Variants in DZIP3 observed in about 807,000 individuals in gnomAD.
DZIP3 encodes E3 ubiquitin-protein ligase DZIP3.
A neutral mutation model predicts 162.0 loss-of-function variants in DZIP3; 118 were observed. The ratio of observed to expected loss-of-function variants is 0.73; its 90% CI spans 0.63 to 0.85. The LOEUF (loss-of-function observed/expected upper bound fraction) is 0.85. DZIP3 is among the 40% of genes least tolerant of loss of function. The pLI, the probability that DZIP3 is intolerant of heterozygous loss-of-function variation, is 0.00. For missense variants in DZIP3, 1,331 were observed against 1,407.0 expected (o/e 0.95, Z 0.86); for synonymous variants, 438 against 458.6 (o/e 0.96, Z 0.57).
rs1559724946 is a variant in DZIP3, at chr3:108,611,276, G to A, written c.205G>A (p.Val69Ile). ...NAINTLPKGV[V>I]PHIKKFLQED... ...AATTAATACTCTACCAAAAGGTGTG[G>A]TTCCTCACATTAAGAAGTTCTTACA... Residue 69 changes from valine to isoleucine, a missense_variant, in exon 4 of 33, where the codon GTT (valine) becomes ATT (isoleucine). Around this residue, in one of 2 missense-constraint regions of DZIP3, gnomAD observed 1,278 missense variants for 1,317.1 expected, o/e 0.97. Coordinates refer to ENST00000361582, the MANE Select transcript of DZIP3 (RefSeq NM_014648.4). The A allele has an allele frequency of 6.2e-7, 1 of 1,612,698 alleles. No homozygotes were observed. Among genetic ancestry groups the A allele is most frequent in the East Asian group, 2.2e-5 (1 of 44,798 alleles).
intron 1 of DZIP3, among the ~76,000 whole-genome samples, chr3:108,592,281 A>G (rs1350946228): frequency 3.9e-5 from 6 of 152,178 alleles, no homozygotes; most frequent in Non-Finnish European, 7.3e-5. Context: ...TAAAATAGGT[A>G]GGATTTGGTG....
intron 31 of DZIP3, 121 bp from the exon 32 acceptor site, chr3:108,690,666 C>A: frequency 1.2e-6 from 1 of 841,920 alleles, no homozygotes; most frequent in Non-Finnish European, 1.8e-6. Context: ...TGACGATCCA[C>A]AGCGTAAGGC....
intron 8 of DZIP3, among the ~76,000 whole-genome samples, chr3:108,629,815 A>G (rs185633376): frequency 4.0e-5 from 6 of 151,300 alleles, no homozygotes; most frequent in South Asian, 2.1e-4. Context: ...TAATATATAT[A>G]TATAAATATA....
chr3:108,628,639 G>C (rs1941693447), intron 7 of DZIP3, among the ~76,000 whole-genome samples: 1 of 152,126 alleles, frequency 6.6e-6, no homozygotes, highest in African/African-American at 2.4e-5. Context: ...GATTAAATTT[G>C]GGCCTTATTT....
intron 5 of DZIP3, among the ~76,000 whole-genome samples, chr3:108,620,143 G>A (rs1941251931): frequency 1.3e-5 from 2 of 152,160 alleles, no homozygotes; most frequent in South Asian, 4.1e-4. Flanking sequence ...CCTTCCATGA[G>A]AAGCTACACA....
At chr3:108,617,380 T>G (rs1941074734) in intron 5 of DZIP3, among the ~76,000 whole-genome samples, 1 of 151,752 alleles carries the variant, frequency 6.6e-6, no homozygotes, top group African/African-American at 2.4e-5. Context: ...TATACAATTT[T>G]TATTTATCAA....
chr3:108,611,831 G>C (rs1017636361), intron 4 of DZIP3, among the ~76,000 whole-genome samples: 2 of 152,090 alleles, frequency 1.3e-5, no homozygotes, highest in African/African-American at 4.8e-5. Context: ...TGGGCATGGT[G>C]GCACATGCCT....
In DZIP3 at chr3:108,617,747, G is replaced by T. The variant is rs138613227; in HGVS notation, c.375+1090G>T. 8.5e-3 allele frequency among the ~76,000 whole-genome samples: 1,297 copies of T among 152,234 alleles called. 17 individuals are homozygous for T. Among genetic ancestry groups the T allele is most frequent in the African/African-American group, 0.03 (1,242 of 41,524 alleles). ...TTCCAATGAGGAAACAAAGAAAATG[G>T]GGGATTTGCATCTTGTAATCCTGAG... On this transcript the variant is annotated intron_variant, in intron 5 of 32. Coordinates refer to ENST00000361582, the MANE Select transcript of DZIP3 (RefSeq NM_014648.4).
chr3:108,603,359 A>G (rs970227853), intron 1 of DZIP3: 2 of 152,212 alleles, frequency 1.3e-5, no homozygotes, highest in African/African-American at 4.8e-5. Flanking sequence ...ATACAGCTTT[A>G]TTAAAGAGAT....
At chr3:108,626,100 A>G (rs1416839267) in intron 7 of DZIP3, 131 bp downstream of exon 7, 2 of 1,032,842 alleles carry the variant, frequency 1.9e-6, no homozygotes, top group Admixed American at 2.9e-5. Context: ...TTCTTTGCCT[A>G]TTTGTATAGA....
chr3:108,632,307 A>G (rs1175625826), intron 8 of DZIP3, among the ~76,000 whole-genome samples: 1 of 152,062 alleles, frequency 6.6e-6, no homozygotes, highest in Non-Finnish European at 1.5e-5. Flanking sequence ...TGGTGCTACC[A>G]TAGCTCACTG....
In DZIP3 at chr3:108,644,392, A is replaced by G; in HGVS notation, c.1370A>G (p.Lys457Arg). 1.9e-6 allele frequency: 3 copies of G among 1,614,098 alleles called. No homozygotes were observed. The highest frequency in any genetic ancestry group is 1.3e-5 in the African/African-American group (1 of 75,044). The stretch of plus-strand genomic sequence containing the variant: ...TGGCATCTGCTTTATCCTCCTAACA[A>G]GGAGTTACCGCAATCCAAACAGTTT... ...GSWHLLYPPN[K>R]ELPQSKQFDL... The change falls in exon 14 of 33, where the codon AAG becomes AGG. Residue 457 changes from lysine (K) to arginine (R), a missense_variant. Coordinates refer to ENST00000361582, the MANE Select transcript of DZIP3 (RefSeq NM_014648.4).
At chr3:108,637,393 C>G in intron 11 of DZIP3, 103 bp from the exon 12 acceptor site, 11 of 985,012 alleles carry the variant, frequency 1.1e-5, no homozygotes, top group Non-Finnish European at 1.6e-5. Flanking sequence ...TTCACTGTGG[C>G]TTCACTCTCA....
At chr3:108,615,698 A>C (rs1404756127) in intron 4 of DZIP3, among the ~76,000 whole-genome samples, 1 of 152,258 alleles carries the variant, frequency 6.6e-6, no homozygotes, top group Admixed American at 6.5e-5. Flanking sequence ...ACACAAAGAC[A>C]TAGTCCTACC....
intron 25 of DZIP3, among the ~76,000 whole-genome samples, 160 bp from the exon 26 acceptor site, chr3:108,677,336 AT>A (rs34710471): frequency 0.045 from 6,423 of 143,904 alleles, 422 homozygotes; most frequent in African/African-American, 0.15. Context: ...GGTCTATAGA[AT>A]TTTTTTTTTT....
rs767531024 is a variant in DZIP3 at position 108,646,567 on chromosome 3, T to C, written c.1760-50T>C. The C allele has an allele frequency of 9.2e-6, 12 of 1,298,862 alleles. No individual in the cohort carries two copies. The South Asian group carries it at 1.5e-4, about 16-fold the overall frequency. The allele number at this position is 1,298,862 out of a possible 1,614,324, so 80.5% of individuals were successfully genotyped here. ...TGCCTTAATCCTAGCCAGACATTCATTTGTTGCGTTTGCAATTGTACATCT... is the reference window on the plus strand; with the variant it reads ...TGCCTTAATCCTAGCCAGACATTCACTTGTTGCGTTTGCAATTGTACATCT... On this transcript the variant is annotated intron_variant, in intron 14 of 32. Coordinates refer to ENST00000361582, the MANE Select transcript of DZIP3 (RefSeq NM_014648.4).
intron 5 of DZIP3, among the ~76,000 whole-genome samples, chr3:108,621,749 A>C (rs1457176637): frequency 6.6e-6 from 1 of 152,214 alleles, no homozygotes; most frequent in Non-Finnish European, 1.5e-5. Flanking sequence ...CAGCAATCCC[A>C]CTGCTGGGAT....
chr3:108,631,051 A>ACTCTCTCT (rs1431834911), intron 8 of DZIP3, among the ~76,000 whole-genome samples: 15 of 42,014 alleles, frequency 3.6e-4, no homozygotes, highest in South Asian at 2.6e-3. Flanking sequence ...ACACACACAC[A>ACTCTCTCT]CACACTCTCT....
At chr3:108,617,390 A>G (rs906299839) in intron 5 of DZIP3, among the ~76,000 whole-genome samples, 2 of 150,334 alleles carry the variant, frequency 1.3e-5, no homozygotes, top group African/African-American at 4.8e-5. Context: ...TTATTTATCA[A>G]TTTAAAAAAG....
Sources: allele counts gnomAD v4.1 joint callset (sites outside exome capture counted in the v4.1 genomes callset), GRCh38; gene constraint gnomAD v4.1.1; regional missense constraint gnomAD v4.1.1; transcripts MANE v1.5; gene names NCBI Gene and HGNC (gene_info 2026-07-23, HGNC 2026-07-21).